The following TACR1 variants were observed in gnomAD, a reference collection of about 807,000 sequenced individuals.
TACR1 encodes the protein tachykinin receptor 1.
Under a neutral mutation model 35.8 loss-of-function variants are expected in TACR1, and 25 were observed. The ratio of observed to expected loss-of-function variants is 0.70; its 90% CI spans 0.51 to 0.98. The LOEUF is 0.98. TACR1 is among the 50% of genes least tolerant of loss of function. The probability of loss-of-function intolerance (pLI) is 0.00; values close to 1 mark genes in which losing one functional copy is unlikely to be tolerated. For missense variants in TACR1, 478 were observed against 522.9 expected (o/e 0.91, Z 0.84); for synonymous variants, 195 against 206.7 (o/e 0.94, Z 0.48).
intron 1 of TACR1, among the ~76,000 whole-genome samples, chr2:75,176,245 T>C (rs1463568650): frequency 6.6e-6 from 1 of 151,994 alleles, no homozygotes; most frequent in Non-Finnish European, 1.5e-5. Flanking sequence ...ATTATATTGA[T>C]TTTTTTCCTT....
intron 2 of TACR1, among the ~76,000 whole-genome samples, chr2:75,084,370 A>G (rs1046308896): frequency 3.9e-5 from 6 of 152,094 alleles, no homozygotes; most frequent in African/African-American, 4.8e-5. Context: ...TTCATCAGGG[A>G]TATTGGTCTA....
chr2:75,137,805 G>A (rs1674329983), intron 1 of TACR1, among the ~76,000 whole-genome samples: 1 of 150,004 alleles, frequency 6.7e-6, no homozygotes, highest in African/African-American at 2.5e-5. Flanking sequence ...TTGGCCCCTA[G>A]GATCTTCCAG....
intron 1 of TACR1, among the ~76,000 whole-genome samples, chr2:75,155,134 C>T (rs763449051): frequency 5.3e-5 from 8 of 152,072 alleles, no homozygotes; most frequent in African/African-American, 7.3e-5. Flanking sequence ...AACCCCAAAA[C>T]GTTGAGGGAC....
intron 2 of TACR1, among the ~76,000 whole-genome samples, chr2:75,070,920 T>A (rs948834066): frequency 5.3e-5 from 8 of 152,168 alleles, no homozygotes; most frequent in African/African-American, 1.2e-4. Flanking sequence ...TGTTTTTATA[T>A]GGCTTGCAAA....
intron 1 of TACR1, among the ~76,000 whole-genome samples, chr2:75,168,124 T>C (rs1431257637): frequency 6.6e-6 from 1 of 152,224 alleles, no homozygotes; most frequent in Non-Finnish European, 1.5e-5. Flanking sequence ...TTTCACAGAC[T>C]ATGTAGAAGA....
At chr2:75,148,899 T>G (rs184456643) in intron 1 of TACR1, among the ~76,000 whole-genome samples, 1 of 152,344 alleles carries the variant, frequency 6.6e-6, no homozygotes, top group East Asian at 1.9e-4. Context: ...ATTTTTTGTA[T>G]AAGGTGTAAG....
chr2:75,106,196 C>T (rs1201096317), intron 2 of TACR1, among the ~76,000 whole-genome samples: 1 of 151,954 alleles, frequency 6.6e-6, no homozygotes, highest in Non-Finnish European at 1.5e-5. Context: ...ATGATAAACT[C>T]ATCGAAAGTT....
chr2:75,101,214 T>C (rs1006079946), intron 2 of TACR1, among the ~76,000 whole-genome samples: 1 of 152,068 alleles, frequency 6.6e-6, no homozygotes, highest in African/African-American at 2.4e-5. Flanking sequence ...AATCCTAGCT[T>C]CTAATAAGAA....
At chr2:75,158,346 G>A (rs1238492898) in intron 1 of TACR1, among the ~76,000 whole-genome samples, 1 of 152,082 alleles carries the variant, frequency 6.6e-6, no homozygotes, top group Non-Finnish European at 1.5e-5. Context: ...TTTTTCCCAG[G>A]CAGAAAATGC....
intron 2 of TACR1, among the ~76,000 whole-genome samples, chr2:75,094,918 T>G (rs968579219): frequency 2.0e-5 from 3 of 148,632 alleles, no homozygotes; most frequent in African/African-American, 7.7e-5. Context: ...CTGGAATCAT[T>G]CAGATTAGCA....
chr2:75,062,443 C>G (rs1372883922), intron 2 of TACR1, among the ~76,000 whole-genome samples: 1 of 152,186 alleles, frequency 6.6e-6, no homozygotes, highest in African/African-American at 2.4e-5. Flanking sequence ...GAAAACAACA[C>G]TATGTCACAA....
chr2:75,170,027 A>C (rs997626907), intron 1 of TACR1, among the ~76,000 whole-genome samples: 2 of 151,408 alleles, frequency 1.3e-5, no homozygotes, highest in Non-Finnish European at 2.9e-5. Context: ...GACCCTTTTG[A>C]TTTTCTTATC....
chr2:75,046,742 G>C lies in TACR1; in HGVS notation c.*2690C>G, dbSNP rs1317721718. 6.6e-6 allele frequency: 1 copy of C among 152,206 alleles called. No homozygotes were observed. The highest frequency in any genetic ancestry group is 2.4e-5 in the African/African-American group (1 of 41,420). The allele number at this position is 152,206 out of a possible 1,614,324, so 9.4% of individuals were successfully genotyped here. On this transcript the variant is annotated 3_prime_UTR_variant, in exon 5 of 5. Coordinates refer to ENST00000305249, the MANE Select transcript of TACR1 (RefSeq NM_001058.4). The stretch of plus-strand genomic sequence containing the variant: ...AATTACTGTGGTCTAGGAACTGTGA[G>C]TTCATGATATACATCAGGGCTCCTC...
Position 75,120,654 on chromosome 2 carries a change from G to A in TACR1, c.504C>T (p.Tyr168=), listed in dbSNP as rs1246998885. Residue 168 remains tyrosine, a synonymous_variant, in exon 2 of 5, where the codon TAC becomes TAT. Transcript: ENST00000305249. ...TGCTGGGCATGGTCTCTGTGGTTGA[G>A]TAGTAGCCCTGGGGGAAGGCCAGCA... is the stretch of plus-strand genomic sequence containing the variant. ...ALLLAFPQGY[Y]STTETMPSRV... 1.2e-6 allele frequency: 2 copies of A among 1,614,126 alleles called. No individual in the cohort carries two copies. Among genetic ancestry groups the A allele is most frequent in the Non-Finnish European group, 8.5e-7 (1 of 1,180,016 alleles).
At chr2:75,134,182 T>A (rs1674233510) in intron 1 of TACR1, among the ~76,000 whole-genome samples, 1 of 152,174 alleles carries the variant, frequency 6.6e-6, no homozygotes, top group South Asian at 2.1e-4. Flanking sequence ...GAGTAGCCAT[T>A]CTTTATTCCT....
chr2:75,193,375 T>C (rs889381006), intron 1 of TACR1, among the ~76,000 whole-genome samples: 3 of 152,248 alleles, frequency 2.0e-5, no homozygotes, highest in African/African-American at 7.2e-5. Flanking sequence ...TATTTCCTCT[T>C]ACCATTCTCT....
At chr2:75,119,515 A>T (rs1673923144) in intron 2 of TACR1, among the ~76,000 whole-genome samples, 1 of 152,256 alleles carries the variant, frequency 6.6e-6, no homozygotes, top group African/African-American at 2.4e-5. Context: ...CTGAGTCCAG[A>T]AAACTAACTG....
chr2:75,169,304 A>G (rs1056645671), intron 1 of TACR1, among the ~76,000 whole-genome samples: 2 of 152,102 alleles, frequency 1.3e-5, no homozygotes, highest in African/African-American at 4.8e-5. Context: ...TTTATTCACT[A>G]GTTATAGTAT....
intron 2 of TACR1, among the ~76,000 whole-genome samples, chr2:75,109,419 A>G (rs1673708980): frequency 6.6e-6 from 1 of 152,154 alleles, no homozygotes. Flanking sequence ...GACCCCTTTA[A>G]CTTGGAATCT....
Sources: gnomAD v4.1 joint callset for allele counts (sites outside exome capture counted in the v4.1 genomes callset) on GRCh38, gnomAD v4.1.1 for gene constraint, MANE v1.5 for transcripts, NCBI Gene and HGNC (gene_info 2026-07-23, HGNC 2026-07-21) for gene names.